DCP1A: variants seen among roughly 807,000 people sequenced by gnomAD.
DCP1A encodes mRNA-decapping enzyme 1A.
DCP1A carries 20 observed loss-of-function variants against 58.0 expected under a neutral mutation model. That is an observed-to-expected ratio of 0.34 (90% CI 0.24 to 0.50). The LOEUF (loss-of-function observed/expected upper bound fraction) is 0.50. Among genes scored for constraint, DCP1A ranks in the 20% least tolerant of loss-of-function variants. The pLI is 0.98. For missense variants in DCP1A, 613 were observed against 712.2 expected (o/e 0.86, Z 1.59); for synonymous variants, 285 against 275.1 (o/e 1.04, Z -0.36).
rs189017701 is a variant in DCP1A at position 53,320,420 on chromosome 3, A to G, written c.305-947T>C. On this transcript the variant is annotated intron_variant, in intron 3 of 9. Coordinates refer to ENST00000610213, the MANE Select transcript of DCP1A (RefSeq NM_018403.7). ...ACTGAACATACAAGCTGAAACAGAC[A>G]CACGGATGGATAAGACCCATTGCTA... Among the ~76,000 whole-genome samples, 315 of 152,312 alleles carry G rather than the reference A, an allele frequency of 2.1e-3. 2 individuals are homozygous for G. Among genetic ancestry groups the G allele is most frequent in the African/African-American group, 7.3e-3 (305 of 41,566 alleles).
Position 53,328,312 on chromosome 3 carries a change from C to T in DCP1A, c.305-8839G>A, listed in dbSNP as rs546419749. Among the ~76,000 whole-genome samples the T allele has an allele frequency of 5.0e-4, 76 of 152,280 alleles. 1 individual carries two copies. Among genetic ancestry groups the T allele is most frequent in the African/African-American group, 1.8e-3 (75 of 41,542 alleles). On this transcript the variant is annotated intron_variant, in intron 3 of 9. Coordinates refer to ENST00000610213, the MANE Select transcript of DCP1A (RefSeq NM_018403.7). ...TACTCTGTTTCAATTTTTACCTACA[C>T]AGATAACTTCATTGTGTAAACAGAA...
chr3:53,315,642 A>G (rs1316830050), intron 4 of DCP1A, among the ~76,000 whole-genome samples: 3 of 151,214 alleles, frequency 2.0e-5, no homozygotes, highest in Non-Finnish European at 4.4e-5. Flanking sequence ...ACCACTGACC[A>G]GAGAATATAC....
intron 6 of DCP1A, among the ~76,000 whole-genome samples, chr3:53,297,989 G>A (rs1236273449): frequency 6.6e-6 from 1 of 152,140 alleles, no homozygotes; most frequent in Non-Finnish European, 1.5e-5. Flanking sequence ...AGGCCTAGGC[G>A]GAAGCATTGC....
intron 5 of DCP1A, among the ~76,000 whole-genome samples, chr3:53,311,041 C>T (rs577168542): frequency 5.3e-5 from 8 of 152,246 alleles, no homozygotes; most frequent in Non-Finnish European, 1.0e-4. Flanking sequence ...ATTGCAGGAC[C>T]TCTCAGTTTT....
At chr3:53,344,510 A>C (rs1575626624) in intron 2 of DCP1A, among the ~76,000 whole-genome samples, 1 of 152,360 alleles carries the variant, frequency 6.6e-6, no homozygotes, top group East Asian at 1.9e-4. Context: ...CCACTCATGT[A>C]GTAATGAAAG....
chr3:53,304,229 T>A lies in DCP1A; in HGVS notation c.572A>T (p.Asn191Ile). 2 of 1,613,858 alleles carry A rather than the reference T, an allele frequency of 1.2e-6. No individual in the cohort carries two copies. The highest frequency in any genetic ancestry group is 1.7e-6 in the Non-Finnish European group (2 of 1,179,860). ...TTCTAGAGTCTCGGTGCTTCCCAGA[T>A]TGGAGAGCTGAGTGCTTGGCTGTAA... is the stretch of plus-strand genomic sequence containing the variant. ...PGLQPSTQLS[N>I]LGSTETLEEM... The change falls in exon 6 of 10, where the codon AAT (asparagine) becomes ATT (isoleucine). Residue 191 changes from asparagine to isoleucine, a missense_variant. Around this residue, in one of 3 missense-constraint regions of DCP1A, gnomAD observed 498 missense variants for 556.7 expected, o/e 0.89. Coordinates refer to ENST00000610213, the MANE Select transcript of DCP1A (RefSeq NM_018403.7).
At chr3:53,315,588 G>A (rs570165291) in intron 4 of DCP1A, among the ~76,000 whole-genome samples, 13 of 150,374 alleles carry the variant, frequency 8.6e-5, no homozygotes, top group African/African-American at 3.2e-4. Context: ...TTCCTCTTTA[G>A]GAGAGTCAAC....
At chr3:53,333,304 C>G (rs1028032633) in intron 3 of DCP1A, among the ~76,000 whole-genome samples, 2 of 151,474 alleles carry the variant, frequency 1.3e-5, no homozygotes, top group African/African-American at 4.9e-5. Flanking sequence ...CCATGCCTGG[C>G]TAATTTTTTT....
chr3:53,335,627 T>C (rs576282791), intron 3 of DCP1A, among the ~76,000 whole-genome samples: 8 of 152,372 alleles, frequency 5.3e-5, no homozygotes, highest in South Asian at 2.1e-4. Context: ...CACTCTGTCA[T>C]ATTTCCATTT....
At chr3:53,287,703 A>G in intron 9 of DCP1A, 43 bp from the exon 10 acceptor site, 1 of 1,405,388 alleles carries the variant, frequency 7.1e-7, no homozygotes, top group Non-Finnish European at 1.0e-6. Context: ...TGCCACATTT[A>G]CCTCATCAGA....
intron 3 of DCP1A, among the ~76,000 whole-genome samples, chr3:53,328,199 C>T (rs140851262): frequency 3.3e-5 from 5 of 152,162 alleles, no homozygotes; most frequent in African/African-American, 1.2e-4. Context: ...CTCAGACCTG[C>T]CTGGATCCTC....
Position 53,342,243 on chromosome 3 carries a change from T to C in DCP1A, c.205A>G (p.Ile69Val), listed in dbSNP as rs782520534. The C allele has an allele frequency of 1.2e-6, 2 of 1,603,894 alleles. No individual in the cohort carries two copies. The highest frequency in any genetic ancestry group is 1.1e-5 in the South Asian group (1 of 89,576). ...RSASPYHGFT[I>V]VNRLNMHNLV... The stretch of plus-strand genomic sequence containing the variant: ...TTGTGCATATTTAGTCGATTCACAA[T>C]GGTAAAACCATGGTAAGGGGAAGCT... Residue 69 changes from isoleucine to valine, a missense_variant, in exon 3 of 10, where the codon ATT becomes GTT. By Grantham distance (29) the Ile-to-Val change is conservative. This residue lies in a region of DCP1A where 65 missense variants were observed against 118.5 expected (regional missense o/e 0.55). Transcript: ENST00000610213.
intron 3 of DCP1A, among the ~76,000 whole-genome samples, chr3:53,323,413 A>G (rs191934043): frequency 6.6e-6 from 1 of 152,200 alleles, no homozygotes; most frequent in African/African-American, 2.4e-5. Flanking sequence ...AAAAGACTCC[A>G]TATATGGCAA....
At chr3:53,347,304 C>A (rs781934241) in intron 1 of DCP1A, 79 bp downstream of exon 1, 36 of 1,405,150 alleles carry the variant, frequency 2.6e-5, no homozygotes, top group African/African-American at 2.4e-4. Flanking sequence ...TGTGCCCCCC[C>A]ACCCCACAGT....
chr3:53,312,565 G>C (rs954426303), intron 4 of DCP1A, among the ~76,000 whole-genome samples, 186 bp from the exon 5 acceptor site: 1 of 143,984 alleles, frequency 6.9e-6, no homozygotes. Context: ...GTGTGATCTC[G>C]GCTCACTGCA....
At position 53,342,271 on chromosome 3, in the gene DCP1A, C is replaced by T. The variant is rs782468895; in HGVS notation, c.177G>A (p.Arg59=). The T allele has an allele frequency of 1.9e-5, 30 of 1,591,490 alleles. No homozygotes were observed. Among genetic ancestry groups the T allele is most frequent in the Non-Finnish European group, 2.5e-5 (29 of 1,166,244 alleles). Residue 59 remains arginine, a splice_region_variant and synonymous_variant, in exon 3 of 10, where the codon AGG becomes AGA. Coordinates refer to ENST00000610213, the MANE Select transcript of DCP1A (RefSeq NM_018403.7). ...DIEGTLFVYR[R]SASPYHGFTI... is the part of the protein sequence containing the mutation. ...TAAAACCATGGTAAGGGGAAGCTGA[C>T]CTTAGATTTAATAGAAGAAAAAAAA... is the stretch of plus-strand genomic sequence containing the variant.
At chr3:53,299,353 G>A (rs897167522) in intron 6 of DCP1A, among the ~76,000 whole-genome samples, 3 of 152,154 alleles carry the variant, frequency 2.0e-5, no homozygotes, top group Non-Finnish European at 4.4e-5. Flanking sequence ...TTCAAGTTAG[G>A]ATTCTGAGTT....
At chr3:53,323,714 T>C (rs1251416959) in intron 3 of DCP1A, among the ~76,000 whole-genome samples, 2 of 151,748 alleles carry the variant, frequency 1.3e-5, no homozygotes, top group Non-Finnish European at 1.5e-5. Context: ...ATACAAAAAT[T>C]AGCTGGGCGT....
chr3:53,288,507 TAG>T, intron 8 of DCP1A: 1 of 563,566 alleles, frequency 1.8e-6, no homozygotes, highest in Non-Finnish European at 3.2e-6. Flanking sequence ...AAGAATGTCC[TAG>T]AATCATTACG....
Sources: gnomAD v4.1 joint callset for allele counts (sites outside exome capture counted in the v4.1 genomes callset) on GRCh38, gnomAD v4.1.1 for gene constraint, gnomAD v4.1.1 regional missense constraint, MANE v1.5 for transcripts, NCBI Gene and HGNC (gene_info 2026-07-23, HGNC 2026-07-21) for gene names.